KCNH7: variants seen among roughly 807,000 people sequenced by gnomAD.
KCNH7 encodes the protein voltage-gated inwardly rectifying potassium channel KCNH7.
A neutral mutation model predicts 120.8 loss-of-function variants in KCNH7; 49 were observed. The ratio of observed to expected loss-of-function variants is 0.41; its 90% CI spans 0.32 to 0.51. The LOEUF (loss-of-function observed/expected upper bound fraction) is 0.51. Among genes scored for constraint, KCNH7 ranks in the 20% least tolerant of loss-of-function variants. The pLI is 0.38. For missense variants in KCNH7, 1,097 were observed against 1,446.6 expected (o/e 0.76, Z 3.92); for synonymous variants, 547 against 516.1 (o/e 1.06, Z -0.81).
chr2:162,630,490 A>G lies in KCNH7; in HGVS notation c.308-93410T>C, dbSNP rs551789096. On this transcript the variant is annotated intron_variant, in intron 2 of 15. Transcript: ENST00000332142. ...CATTAAAAAAAGACATGGAAAAAAA[A>G]GACGCAAGAAAAGTGAAAAAAATGT... is the stretch of plus-strand genomic sequence containing the variant. Among the ~76,000 whole-genome samples, 47 of 152,186 alleles carry G rather than the reference A, an allele frequency of 3.1e-4. No individual in the cohort carries two copies. In the East Asian group the frequency reaches 7.8e-3, roughly 25 times the overall value.
chr2:162,460,911 T>C (rs1297263538), intron 6 of KCNH7, among the ~76,000 whole-genome samples: 3 of 152,192 alleles, frequency 2.0e-5, no homozygotes, highest in African/African-American at 4.8e-5. Context: ...ACTCATTTAT[T>C]TGTGGGGATA....
At chr2:162,642,742 A>G (rs1396980656) in intron 2 of KCNH7, among the ~76,000 whole-genome samples, 1 of 152,234 alleles carries the variant, frequency 6.6e-6, no homozygotes, top group Non-Finnish European at 1.5e-5. Context: ...GGCTGCAGTG[A>G]CACTTGCCTA....
At chr2:162,710,439 G>A (rs149626940) in intron 2 of KCNH7, among the ~76,000 whole-genome samples, 155 of 152,246 alleles carry the variant, frequency 1.0e-3, no homozygotes, top group African/African-American at 3.6e-3. Context: ...CTGGCCCTGC[G>A]GAGAAGCTGA....
chr2:162,475,483 C>A (rs1242333019), intron 6 of KCNH7, among the ~76,000 whole-genome samples: 1 of 152,154 alleles, frequency 6.6e-6, no homozygotes, highest in East Asian at 1.9e-4. Flanking sequence ...ATGCCAGTTC[C>A]ATATTTGGGT....
rs753793201 is a variant in KCNH7, at chr2:162,536,952, G to T, written c.436C>A (p.Pro146Thr). The T allele has an allele frequency of 7.4e-6, 12 of 1,612,308 alleles. No homozygotes were observed. Among genetic ancestry groups the T allele is most frequent in the Non-Finnish European group, 1.0e-5 (12 of 1,178,954 alleles). ...ENAATPERVN[P>T]ILPIKTVNRK... ...TTTACAGTTTTGATTGGTAATATTG[G>T]GTTTACCCTCTCTGGGGTGGCAGCG... Residue 146 changes from proline (P) to threonine (T), a missense_variant, in exon 3 of 16, where the codon CCA becomes ACA. Pro to Thr is a conservative substitution (Grantham distance 38). Coordinates refer to ENST00000332142, the MANE Select transcript of KCNH7 (RefSeq NM_033272.4).
At chr2:162,375,628 A>T (rs1258202690) in intron 14 of KCNH7, among the ~76,000 whole-genome samples, 1 of 152,142 alleles carries the variant, frequency 6.6e-6, no homozygotes, top group African/African-American at 2.4e-5. Context: ...CTGTTAGCTT[A>T]ATAAGAATGG....
chr2:162,821,457 T>C (rs540878152), intron 2 of KCNH7, among the ~76,000 whole-genome samples: 1 of 152,322 alleles, frequency 6.6e-6, no homozygotes, highest in African/African-American at 2.4e-5. Flanking sequence ...CAGTAAACAT[T>C]TTAGGCATCA....
At chr2:162,513,950 C>A (rs1219588718) in intron 4 of KCNH7, among the ~76,000 whole-genome samples, 1 of 151,700 alleles carries the variant, frequency 6.6e-6, no homozygotes, top group African/African-American at 2.4e-5. Context: ...GATCAGCTAT[C>A]TAAATGTTGC....
rs1218524812 is a variant in KCNH7, at chr2:162,838,231, C to T, written c.76+212G>A. The stretch of plus-strand genomic sequence containing the variant: ...GCAGTGGTAGAGGAGGATCAAATTG[C>T]CTCCTATAATGGAGACCGTAATCTA... On this transcript the variant is annotated intron_variant, in intron 1 of 15. Transcript: ENST00000332142. Among the ~76,000 whole-genome samples, 3 of 152,122 alleles carry T rather than the reference C, an allele frequency of 2.0e-5. 1 individual carries two copies. Among genetic ancestry groups the T allele is most frequent in the Non-Finnish European group, 4.4e-5 (3 of 68,010 alleles).
intron 2 of KCNH7, among the ~76,000 whole-genome samples, chr2:162,663,638 C>T (rs1178967097): frequency 6.6e-6 from 1 of 152,080 alleles, no homozygotes; most frequent in Non-Finnish European, 1.5e-5. Flanking sequence ...AAATGCAAAT[C>T]TAAACATTTA....
intron 2 of KCNH7, among the ~76,000 whole-genome samples, chr2:162,693,165 C>A (rs142037503): frequency 1.3e-5 from 2 of 152,226 alleles, no homozygotes; most frequent in Admixed American, 6.5e-5. Flanking sequence ...TGTTAGAGGT[C>A]TTTTACTTGT....
At chr2:162,569,287 T>G (rs1257801103) in intron 2 of KCNH7, among the ~76,000 whole-genome samples, 1 of 151,998 alleles carries the variant, frequency 6.6e-6, no homozygotes, top group East Asian at 1.9e-4. Flanking sequence ...AATTTATCCA[T>G]TTCTTCTAGA....
At chr2:162,822,398 C>T (rs62171420) in intron 2 of KCNH7, among the ~76,000 whole-genome samples, 8,338 of 152,182 alleles carry the variant, frequency 0.055, 311 homozygotes, top group South Asian at 0.11. Context: ...AAGATAGGTT[C>T]TATTATAATC....
chr2:162,521,129 G>C (rs1691506236), intron 3 of KCNH7, among the ~76,000 whole-genome samples: 1 of 151,838 alleles, frequency 6.6e-6, no homozygotes, highest in African/African-American at 2.4e-5. Context: ...TTATGCACTT[G>C]TTGATTTTCT....
intron 2 of KCNH7, among the ~76,000 whole-genome samples, chr2:162,816,125 C>T (rs569473044): frequency 6.6e-5 from 10 of 151,770 alleles, no homozygotes; most frequent in Non-Finnish European, 1.0e-4. Context: ...GTTGTGGTGG[C>T]GCATGCCTGT....
At chr2:162,712,475 C>G (rs1686961309) in intron 2 of KCNH7, among the ~76,000 whole-genome samples, 1 of 152,126 alleles carries the variant, frequency 6.6e-6, no homozygotes, top group African/African-American at 2.4e-5. Flanking sequence ...AGCTGACTTT[C>G]TGCTGCATAA....
At chr2:162,449,956 C>G (rs974496446) in intron 6 of KCNH7, among the ~76,000 whole-genome samples, 1 of 151,956 alleles carries the variant, frequency 6.6e-6, no homozygotes, top group African/African-American at 2.4e-5. Flanking sequence ...TTCTGTAGAT[C>G]AAAAATGATT....
Position 162,512,688 on chromosome 2 carries a change from A to G in KCNH7, c.893-14T>C, listed in dbSNP as rs775299565. 2.2e-5 allele frequency: 35 copies of G among 1,602,796 alleles called. No individual in the cohort carries two copies. The highest frequency in any genetic ancestry group is 1.0e-5 in the Non-Finnish European group (12 of 1,171,800). On this transcript the variant is annotated splice_polypyrimidine_tract_variant and intron_variant, in intron 4 of 15. Transcript: ENST00000332142. The stretch of plus-strand genomic sequence containing the variant: ...TGCGACCATTGTCTGTTTTGAGCAC[A>G]TAAGGATAAAAAAAGAGAAATATAA...
chr2:162,536,651 AACAG>A (rs1203022119), intron 3 of KCNH7, among the ~76,000 whole-genome samples: 7 of 152,148 alleles, frequency 4.6e-5, no homozygotes, highest in Non-Finnish European at 8.8e-5. Flanking sequence ...CATTATTTGT[AACAG>A]ACAAAGTTTG....
Sources: gnomAD v4.1 joint callset for allele counts (sites outside exome capture counted in the v4.1 genomes callset) on GRCh38, gnomAD v4.1.1 for gene constraint, MANE v1.5 for transcripts, NCBI Gene and HGNC (gene_info 2026-07-23, HGNC 2026-07-21) for gene names.